SEMA6D: variants seen among roughly 807,000 people sequenced by gnomAD.
The protein encoded by SEMA6D is semaphorin-6D.
In SEMA6D, 35 loss-of-function variants were observed where a neutral mutation model predicts 106.6. The ratio of observed to expected loss-of-function variants is 0.33; its 90% CI spans 0.25 to 0.44. SEMA6D has a LOEUF of 0.44. Among genes scored for constraint, SEMA6D ranks in the 20% least tolerant of loss-of-function variants. The pLI is 1.00. For synonymous variants in SEMA6D, 499 were observed against 487.7 expected (o/e 1.02, Z -0.31); for missense variants, 1,185 against 1,345.9 (o/e 0.88, Z 1.87).
At chr15:47,275,271 A>G (rs2142348680) in intron 1 of SEMA6D, 1 of 152,318 alleles carries the variant, frequency 6.6e-6, no homozygotes, top group South Asian at 2.1e-4. Context: ...TATAGAATAC[A>G]TATGTGCTGA....
At chr15:47,293,301 C>T (rs1464410998) in intron 1 of SEMA6D, among the ~76,000 whole-genome samples, 1 of 152,146 alleles carries the variant, frequency 6.6e-6, no homozygotes, top group Non-Finnish European at 1.5e-5. Context: ...TTCACTGTTT[C>T]CCTAGTTCTA....
chr15:47,669,522 A>G (rs1440169841), intron 4 of SEMA6D, among the ~76,000 whole-genome samples: 1 of 152,182 alleles, frequency 6.6e-6, no homozygotes, highest in Admixed American at 6.6e-5. Flanking sequence ...GCCATCTGCT[A>G]TGGCTGCCTT....
At chr15:47,267,321 C>T (rs1245495336) in intron 1 of SEMA6D, among the ~76,000 whole-genome samples, 6 of 151,230 alleles carry the variant, frequency 4.0e-5, no homozygotes, top group African/African-American at 1.5e-4. Flanking sequence ...TTTTCTCTTT[C>T]TACTTGGAAG....
At chr15:47,700,481 A>G (rs535513301) in intron 4 of SEMA6D, among the ~76,000 whole-genome samples, 1 of 152,314 alleles carries the variant, frequency 6.6e-6, no homozygotes, top group South Asian at 2.1e-4. Flanking sequence ...GGTTACAGTG[A>G]CCTATGATGA....
chr15:47,762,927 C>T, intron 8 of SEMA6D, 89 bp from the exon 9 acceptor site: 2 of 940,214 alleles, frequency 2.1e-6, no homozygotes, highest in Non-Finnish European at 1.6e-6. Flanking sequence ...TGTAATTGTG[C>T]AACATCTGTC....
intron 1 of SEMA6D, among the ~76,000 whole-genome samples, chr15:47,199,913 C>T (rs868324497): frequency 1.3e-5 from 2 of 151,954 alleles, no homozygotes; most frequent in South Asian, 2.1e-4. Context: ...TCATTTAGTT[C>T]TCATTATGAA....
chr15:47,561,691 T>C (rs12904411), intron 3 of SEMA6D, among the ~76,000 whole-genome samples: 65,102 of 151,108 alleles, frequency 0.43, 15,348 homozygotes, highest in Non-Finnish European at 0.53. Flanking sequence ...TAAATATAGG[T>C]AAATATAAAC....
At chr15:47,699,373 A>C (rs147414729) in intron 4 of SEMA6D, among the ~76,000 whole-genome samples, 1 of 152,202 alleles carries the variant, frequency 6.6e-6, no homozygotes, top group African/African-American at 2.4e-5. Context: ...CCTGTTTTAT[A>C]CATGAGGAAA....
At chr15:47,194,472 G>A (rs1184063148) in intron 1 of SEMA6D, among the ~76,000 whole-genome samples, 1 of 152,066 alleles carries the variant, frequency 6.6e-6, no homozygotes, top group East Asian at 1.9e-4. Flanking sequence ...GGAGTGGGCA[G>A]GGTTGAGGTG....
At chr15:47,209,417 G>A (rs1368078999) in intron 1 of SEMA6D, among the ~76,000 whole-genome samples, 3 of 152,144 alleles carry the variant, frequency 2.0e-5, no homozygotes, top group Non-Finnish European at 2.9e-5. Flanking sequence ...AATGCTAGAG[G>A]AGTTTTGACC....
At chr15:47,255,184 G>A (rs1488452988) in intron 1 of SEMA6D, among the ~76,000 whole-genome samples, 1 of 151,970 alleles carries the variant, frequency 6.6e-6, no homozygotes, top group East Asian at 1.9e-4. Context: ...GGTTGTATGT[G>A]CCAAGGAACT....
intron 1 of SEMA6D, among the ~76,000 whole-genome samples, chr15:47,723,452 A>C (rs569792529): frequency 6.6e-6 from 1 of 152,184 alleles, no homozygotes; most frequent in Admixed American, 6.5e-5. Flanking sequence ...GTGAAGATCC[A>C]TTACGTATCT....
At chr15:47,284,911 A>G (rs1233760882) in intron 1 of SEMA6D, among the ~76,000 whole-genome samples, 1 of 152,104 alleles carries the variant, frequency 6.6e-6, no homozygotes, top group African/African-American at 2.4e-5. Context: ...TCCTTTTCAT[A>G]TTGCATTTGT....
At chr15:47,235,103 T>C (rs1031432727) in intron 1 of SEMA6D, among the ~76,000 whole-genome samples, 1 of 152,030 alleles carries the variant, frequency 6.6e-6, no homozygotes, top group African/African-American at 2.4e-5. Context: ...AGTGATGTTA[T>C]ACATTTTTCT....
intron 4 of SEMA6D, among the ~76,000 whole-genome samples, chr15:47,690,961 A>G (rs964235212): frequency 6.6e-6 from 1 of 152,150 alleles, no homozygotes; most frequent in Non-Finnish European, 1.5e-5. Context: ...ACTGTTCCTC[A>G]TGACCATCAT....
intron 4 of SEMA6D, among the ~76,000 whole-genome samples, chr15:47,680,712 A>C (rs2078335468): frequency 6.6e-6 from 1 of 152,246 alleles, no homozygotes; most frequent in Non-Finnish European, 1.5e-5. Flanking sequence ...TTAGTATCCA[A>C]AATATATAAG....
At chr15:47,202,427 G>C (rs1291608822) in intron 1 of SEMA6D, among the ~76,000 whole-genome samples, 3 of 151,986 alleles carry the variant, frequency 2.0e-5, no homozygotes, top group Non-Finnish European at 4.4e-5. Context: ...CATTCGATTG[G>C]TAAGGGAAGA....
intron 1 of SEMA6D, among the ~76,000 whole-genome samples, chr15:47,365,126 A>C (rs1567028723): frequency 6.6e-6 from 1 of 152,214 alleles, no homozygotes; most frequent in Non-Finnish European, 1.5e-5. Context: ...GATATCCCAC[A>C]GACAGAACCT....
At chr15:47,759,604 G>A (rs1015605877) in intron 1 of SEMA6D, 141 bp from the exon 2 acceptor site, 11 of 588,192 alleles carry the variant, frequency 1.9e-5, no homozygotes, top group Admixed American at 1.2e-4. Flanking sequence ...TGTTTTTGGC[G>A]ATACCTGATC....
Sources: allele counts gnomAD v4.1 joint callset (sites outside exome capture counted in the v4.1 genomes callset), GRCh38; gene constraint gnomAD v4.1.1; transcripts MANE v1.5; gene names NCBI Gene and HGNC (gene_info 2026-07-23, HGNC 2026-07-21).